The following ZSWIM5 variants were observed in gnomAD, a reference collection of about 807,000 sequenced individuals.
The protein encoded by ZSWIM5 is zinc finger SWIM-type containing 5.
In ZSWIM5, 55 loss-of-function variants were observed where a neutral mutation model predicts 119.6. The observed-to-expected ratio is 0.46, with a 90% CI of 0.37 to 0.58. The LOEUF (loss-of-function observed/expected upper bound fraction) is 0.58. Among genes scored for constraint, ZSWIM5 ranks in the 20% least tolerant of loss-of-function variants. ZSWIM5 has a pLI of 0.00. For synonymous variants in ZSWIM5, 537 were observed against 606.9 expected, an observed-to-expected ratio of 0.88 and a Z score of 1.69; for missense variants, 1,193 against 1,512.8, an observed-to-expected ratio of 0.79 and a Z score of 3.51.
chr1:45,108,930 G>T (rs1475453098), intron 1 of ZSWIM5, among the ~76,000 whole-genome samples: 1 of 151,884 alleles, frequency 6.6e-6, no homozygotes, highest in Admixed American at 6.5e-5. Context: ...TTCCAACATG[G>T]CCTTTTTAAT....
At chr1:45,125,215 G>T (rs1424640978) in intron 1 of ZSWIM5, among the ~76,000 whole-genome samples, 1 of 151,988 alleles carries the variant, frequency 6.6e-6, no homozygotes, top group Non-Finnish European at 1.5e-5. Context: ...GAATTTAAAA[G>T]AATGAAAATA....
chr1:45,139,959 G>A (rs1365998963), intron 1 of ZSWIM5, among the ~76,000 whole-genome samples: 1 of 151,916 alleles, frequency 6.6e-6, no homozygotes, highest in East Asian at 1.9e-4. Context: ...AAATTCAAAT[G>A]ACTTCATTTA....
intron 1 of ZSWIM5, among the ~76,000 whole-genome samples, chr1:45,116,218 A>C (rs1645556904): frequency 7.6e-6 from 1 of 131,114 alleles, no homozygotes; most frequent in African/African-American, 2.5e-5. Flanking sequence ...CGTATATTAC[A>C]GCAATGAGTT....
Position 45,019,443 on chromosome 1 carries a change from A to G in ZSWIM5, c.2696-127T>C, listed in dbSNP as rs1644874537. On this transcript the variant is annotated intron_variant, in intron 13 of 13. Coordinates refer to ENST00000359600, the MANE Select transcript of ZSWIM5 (RefSeq NM_020883.2). This position sits in a 1 kb window ranked among gnomAD's most constrained non-coding sequence, Gnocchi z 5.0. ...CTTCCTCCTCAGCAACCTTGAGATG[A>G]TATGAGGCAAACCAGGGCAAGGGGA... The G allele has an allele frequency of 2.3e-6, 3 of 1,302,100 alleles. No homozygotes were observed. In the African/African-American group the frequency reaches 4.4e-5, roughly 19 times the overall value. The allele number at this position is 1,302,100 out of a possible 1,614,324, so 80.7% of individuals were successfully genotyped here.
intron 1 of ZSWIM5, among the ~76,000 whole-genome samples, chr1:45,201,370 C>G (rs1030771071): frequency 1.3e-5 from 2 of 152,088 alleles, no homozygotes; most frequent in African/African-American, 4.8e-5. Flanking sequence ...ATATATGTTT[C>G]TCTTGTACAT....
intron 1 of ZSWIM5, among the ~76,000 whole-genome samples, chr1:45,093,937 G>A (rs1645382746): frequency 1.3e-5 from 2 of 148,344 alleles, no homozygotes; most frequent in Admixed American, 1.3e-4. Flanking sequence ...TTGACCTCCT[G>A]GGCTCAAGGA....
chr1:45,147,232 G>A (rs946639559), intron 1 of ZSWIM5, among the ~76,000 whole-genome samples: 5 of 151,922 alleles, frequency 3.3e-5, no homozygotes, highest in Non-Finnish European at 5.9e-5. Flanking sequence ...TCACCATCAT[G>A]CCCGGCTAGC....
intron 1 of ZSWIM5, among the ~76,000 whole-genome samples, chr1:45,092,538 AC>A (rs761534239): frequency 0.057 from 3,279 of 57,092 alleles, 83 homozygotes; most frequent in East Asian, 0.24. Context: ...CTCGTGATCC[AC>A]CCCCCCCCCC....
intron 1 of ZSWIM5, among the ~76,000 whole-genome samples, chr1:45,195,403 A>T (rs1440226067): frequency 2.0e-5 from 3 of 151,254 alleles, no homozygotes; most frequent in Admixed American, 6.6e-5. Flanking sequence ...ATGCCTGGCT[A>T]ATTTTTTTTA....
intron 1 of ZSWIM5, among the ~76,000 whole-genome samples, chr1:45,101,121 G>C (rs1330141543): frequency 1.0e-4 from 15 of 149,644 alleles, no homozygotes; most frequent in Admixed American, 2.7e-4. Context: ...TACAGAATGG[G>C]AGAAAATTTT....
chr1:45,167,218 G>A (rs1347329493), intron 1 of ZSWIM5, among the ~76,000 whole-genome samples: 1 of 146,374 alleles, frequency 6.8e-6, no homozygotes, highest in East Asian at 2.0e-4. Context: ...AACAAGCAAT[G>A]GGGAAAGGAT....
At chr1:45,096,818 T>A (rs1420869491) in intron 1 of ZSWIM5, among the ~76,000 whole-genome samples, 1 of 152,192 alleles carries the variant, frequency 6.6e-6, no homozygotes, top group Non-Finnish European at 1.5e-5. Flanking sequence ...TGCTTCTCCA[T>A]TACATATCAC....
chr1:45,193,938 G>GTGTATATATA (rs766920512), intron 1 of ZSWIM5, among the ~76,000 whole-genome samples: 1 of 146,210 alleles, frequency 6.8e-6, no homozygotes, highest in African/African-American at 2.5e-5. Flanking sequence ...GTGCATATGT[G>GTGTATATATA]TATATATATA....
intron 10 of ZSWIM5, among the ~76,000 whole-genome samples, 182 bp from the exon 11 acceptor site, chr1:45,034,651 G>A (rs985491977): frequency 2.6e-5 from 4 of 152,212 alleles, no homozygotes; most frequent in Admixed American, 1.3e-4. Context: ...GCACTTAAGA[G>A]TACTCAACGC....
chr1:45,127,778 CACATG>C (rs770086972), intron 1 of ZSWIM5, among the ~76,000 whole-genome samples: 11 of 151,984 alleles, frequency 7.2e-5, no homozygotes, highest in East Asian at 5.8e-4. Flanking sequence ...TCAGTCAGGT[CACATG>C]ACATAAGATG....
chr1:45,203,000 T>C (rs768644213), intron 1 of ZSWIM5, among the ~76,000 whole-genome samples: 1 of 152,036 alleles, frequency 6.6e-6, no homozygotes. Flanking sequence ...ATGTTTTCAA[T>C]AGAGTTCATA....
At chr1:45,146,148 T>C (rs1486939057) in intron 1 of ZSWIM5, among the ~76,000 whole-genome samples, 1 of 152,124 alleles carries the variant, frequency 6.6e-6, no homozygotes, top group East Asian at 1.9e-4. Flanking sequence ...TCTTGAAATA[T>C]TGCTACAAAA....
chr1:45,163,661 AG>A (rs1323441037), intron 1 of ZSWIM5, among the ~76,000 whole-genome samples: 1 of 152,240 alleles, frequency 6.6e-6, no homozygotes, highest in African/African-American at 2.4e-5. Flanking sequence ...CCATGGCACG[AG>A]AACTATGTGA....
chr1:45,192,162 A>T (rs1480983555), intron 1 of ZSWIM5, among the ~76,000 whole-genome samples: 1 of 152,172 alleles, frequency 6.6e-6, no homozygotes, highest in Non-Finnish European at 1.5e-5. Context: ...ATCATTTTTA[A>T]GTGGACAGTT....
Sources: gnomAD v4.1 joint callset for allele counts (sites outside exome capture counted in the v4.1 genomes callset) on GRCh38, gnomAD v4.1.1 for gene constraint, Gnocchi (gnomAD v3.1) non-coding constraint, MANE v1.5 for transcripts, NCBI Gene and HGNC (gene_info 2026-07-23, HGNC 2026-07-21) for gene names.